SLC12A2: variants seen among roughly 807,000 people sequenced by gnomAD.
The protein encoded by SLC12A2 is Na-K-2Cl cotransporter 1.
Under a neutral mutation model 136.3 loss-of-function variants are expected in SLC12A2, and 67 were observed. The ratio of observed to expected loss-of-function variants is 0.49; its 90% CI spans 0.40 to 0.60. SLC12A2 has a LOEUF of 0.60. Among genes scored for constraint, SLC12A2 ranks in the 20% least tolerant of loss-of-function variants. The pLI is 0.00. For synonymous variants in SLC12A2, 619 were observed against 562.9 expected, an observed-to-expected ratio of 1.10 and a Z score of -1.41; for missense variants, 1,322 against 1,534.7, an observed-to-expected ratio of 0.86 and a Z score of 2.32.
intron 1 of SLC12A2, among the ~76,000 whole-genome samples, chr5:128,093,039 C>G (rs544598139): frequency 9.9e-5 from 15 of 152,258 alleles, no homozygotes; most frequent in Non-Finnish European, 8.8e-5. Context: ...ACCTTTTACT[C>G]AAACTGCTGT....
At chr5:128,162,232 A>G (rs1029580647) in intron 17 of SLC12A2, among the ~76,000 whole-genome samples, 2 of 152,168 alleles carry the variant, frequency 1.3e-5, no homozygotes, top group Non-Finnish European at 2.9e-5. Flanking sequence ...AGCCCTGTCA[A>G]AAAACTGTAG....
chr5:128,153,821 C>T (rs1762787009), intron 15 of SLC12A2, among the ~76,000 whole-genome samples: 1 of 151,980 alleles, frequency 6.6e-6, no homozygotes, highest in African/African-American at 2.4e-5. Context: ...TTGAATTCCC[C>T]CCTTCCTTTT....
chr5:128,175,017 A>T (rs537916620), intron 20 of SLC12A2, among the ~76,000 whole-genome samples: 5 of 152,234 alleles, frequency 3.3e-5, no homozygotes, highest in South Asian at 2.1e-4. Flanking sequence ...TGACTTTCAC[A>T]TAATTTCATC....
At position 128,141,852 on chromosome 5, in the gene SLC12A2, C is replaced by T. The variant is rs1411262609; in HGVS notation, c.1644C>T (p.Ala548=). 2 of 1,612,670 alleles carry T rather than the reference C, an allele frequency of 1.2e-6. No individual in the cohort carries two copies. ...TAGGTTCTTGTGTTGTTCGAGATGCCACTGGAAACGTTAATGACACTATCG... is the reference window on the plus strand; with the variant it reads ...TAGGTTCTTGTGTTGTTCGAGATGCTACTGGAAACGTTAATGACACTATCG... ...VSVGSCVVRD[A]TGNVNDTIVT... is the part of the protein sequence containing the mutation. The change falls in exon 10 of 27, where the codon GCC becomes GCT. Residue 548 remains alanine (A), a synonymous_variant. Transcript: ENST00000262461.
chr5:128,110,719 G>A, intron 1 of SLC12A2: 1 of 1,451,780 alleles, frequency 6.9e-7, no homozygotes, highest in Non-Finnish European at 9.7e-7. Context: ...CTACATTCCA[G>A]TGAAGAGCAA....
At chr5:128,106,204 A>G (rs1241829312) in intron 1 of SLC12A2, among the ~76,000 whole-genome samples, 1 of 152,198 alleles carries the variant, frequency 6.6e-6, no homozygotes, top group African/African-American at 2.4e-5. Context: ...GCCAATTTCT[A>G]CTTTTTATCC....
Position 128,083,947 on chromosome 5 carries a change from G to T in SLC12A2, c.-8G>T. On this transcript the variant is annotated 5_prime_UTR_variant, in exon 1 of 27. Coordinates refer to ENST00000262461, the MANE Select transcript of SLC12A2 (RefSeq NM_001046.3). ...GGGCTCTGCAGTTCCGCCGGGGGTC[G>T]GGCAGCTATGGAGCCGCGGCCCACG... 1 of 1,230,462 alleles carries T rather than the reference G, an allele frequency of 8.1e-7. No individual in the cohort carries two copies. The highest frequency in any genetic ancestry group is 1.0e-6 in the Non-Finnish European group (1 of 985,976). The allele number at this position is 1,230,462 out of a possible 1,614,324, so 76.2% of individuals were successfully genotyped here.
intron 10 of SLC12A2, among the ~76,000 whole-genome samples, chr5:128,144,349 G>A (rs1232213008): frequency 6.6e-6 from 1 of 152,078 alleles, no homozygotes; most frequent in Non-Finnish European, 1.5e-5. Flanking sequence ...AAATACCTTG[G>A]CATTTGGAGA....
Position 128,178,695 on chromosome 5 carries a change from GT to G in SLC12A2, c.3100+8del, listed in dbSNP as rs748065393. On this transcript the variant is annotated splice_region_variant and intron_variant, in intron 22 of 26. Coordinates refer to ENST00000262461, the MANE Select transcript of SLC12A2 (RefSeq NM_001046.3). The stretch of plus-strand genomic sequence containing the variant: ...GTGGCTTTTTGATGATGGAGGTAAG[GT>G]TGTTAATTTTTTTAAAATGATTTTA... 2.0e-6 allele frequency: 3 copies of G among 1,536,760 alleles called. No homozygotes were observed. The highest frequency in any genetic ancestry group is 2.8e-5 in the African/African-American group (2 of 70,954).
At position 128,122,022 on chromosome 5, in the gene SLC12A2, G is replaced by A. The variant is rs181788039; in HGVS notation, c.1048+7341G>A. 7.2e-5 allele frequency among the ~76,000 whole-genome samples: 11 copies of A among 152,296 alleles called. No homozygotes were observed. The East Asian group carries it at 2.1e-3, about 29-fold the overall frequency. On this transcript the variant is annotated intron_variant, in intron 4 of 26. Coordinates refer to ENST00000262461, the MANE Select transcript of SLC12A2 (RefSeq NM_001046.3). ...TTCATAGAATAGAGGACAACTGCAG[G>A]CAGCCGTTCATAAGATGAAGACTGT... is the stretch of plus-strand genomic sequence containing the variant.
At chr5:128,180,217 A>G (rs1353208474) in intron 22 of SLC12A2, among the ~76,000 whole-genome samples, 6 of 151,468 alleles carry the variant, frequency 4.0e-5, no homozygotes, top group Non-Finnish European at 7.4e-5. Flanking sequence ...TGATCCACCC[A>G]CCTCGGCCTC....
At position 128,138,961 on chromosome 5, in the gene SLC12A2, C is replaced by G. The variant is rs184062702; in HGVS notation, c.1621+53C>G. 69 of 1,146,658 alleles carry G rather than the reference C, an allele frequency of 6.0e-5. No homozygotes were observed. The East Asian group carries it at 1.5e-3, about 25-fold the overall frequency. The allele number at this position is 1,146,658 out of a possible 1,614,324, so 71.0% of individuals were successfully genotyped here. ...TCGCAGAAATTTCATGATGTACGTACTATAAATACTTATTTTTATGACATT... is the reference window on the plus strand; with the variant it reads ...TCGCAGAAATTTCATGATGTACGTAGTATAAATACTTATTTTTATGACATT... On this transcript the variant is annotated intron_variant, in intron 9 of 26. Coordinates refer to ENST00000262461, the MANE Select transcript of SLC12A2 (RefSeq NM_001046.3).
At position 128,147,606 on chromosome 5, in the gene SLC12A2, G is replaced by C. The variant is rs201258184; in HGVS notation, c.1774-16G>C. ...TTGTGAGATTTATTTTTCCATTTTTGTCACTTTTATTTAAGGTAATGAGTA... is the reference window on the plus strand; with the variant it reads ...TTGTGAGATTTATTTTTCCATTTTTCTCACTTTTATTTAAGGTAATGAGTA... On this transcript the variant is annotated splice_polypyrimidine_tract_variant and intron_variant, in intron 10 of 26. Transcript: ENST00000262461. 3 of 1,512,108 alleles carry C rather than the reference G, an allele frequency of 2.0e-6. No homozygotes were observed. In the South Asian group the frequency reaches 3.4e-5, roughly 17 times the overall value. The allele number at this position is 1,512,108 out of a possible 1,614,324, so 93.7% of individuals were successfully genotyped here.
At chr5:128,110,268 C>T (rs941295114) in intron 1 of SLC12A2, 3 of 812,750 alleles carry the variant, frequency 3.7e-6, no homozygotes, top group African/African-American at 1.7e-5. Flanking sequence ...TGTGGCTCCA[C>T]AGATTCCAAG....
intron 21 of SLC12A2, chr5:128,177,618 A>C (rs1229725393): frequency 6.5e-6 from 1 of 154,342 alleles, no homozygotes; most frequent in Non-Finnish European, 1.4e-5. Context: ...ACATACATGA[A>C]TTTTATGAGA....
intron 16 of SLC12A2, among the ~76,000 whole-genome samples, chr5:128,159,994 C>T (rs976339171): frequency 6.6e-6 from 1 of 152,108 alleles, no homozygotes; most frequent in Non-Finnish European, 1.5e-5. Context: ...AACCCAAATG[C>T]CCATCAATGA....
chr5:128,170,044 G>A (rs542119380), intron 18 of SLC12A2: 3 of 152,258 alleles, frequency 2.0e-5, no homozygotes, highest in Non-Finnish European at 4.4e-5. Flanking sequence ...CACTTCCACT[G>A]ATGTTTTAGC....
chr5:128,178,181 A>T (rs919412135), intron 21 of SLC12A2, among the ~76,000 whole-genome samples: 6 of 152,238 alleles, frequency 3.9e-5, no homozygotes, highest in Admixed American at 6.5e-5. Flanking sequence ...TTACCAAAGA[A>T]ATAGTTTCAC....
chr5:128,131,016 T>G lies in SLC12A2; in HGVS notation c.1049-51T>G, dbSNP rs754041180. The G allele has an allele frequency of 1.6e-5, 25 of 1,583,638 alleles. No individual in the cohort carries two copies. The African/African-American group carries it at 3.1e-4, about 20-fold the overall frequency. ...TATAATTAAAGGATAATTTGGCATT[T>G]TAAATCCTAACTTTAGTACCTGTTT... On this transcript the variant is annotated intron_variant, in intron 4 of 26. Transcript: ENST00000262461.
Sources: allele counts gnomAD v4.1 joint callset (sites outside exome capture counted in the v4.1 genomes callset), GRCh38; gene constraint gnomAD v4.1.1; transcripts MANE v1.5; gene names NCBI Gene and HGNC (gene_info 2026-07-23, HGNC 2026-07-21).